Variants in RAB11FIP1 observed in about 807,000 individuals in gnomAD.
RAB11FIP1 encodes rab11 family-interacting protein 1.
Under a neutral mutation model 83.1 loss-of-function variants are expected in RAB11FIP1, and 49 were observed. The ratio of observed to expected loss-of-function variants is 0.59; its 90% CI spans 0.47 to 0.75. The LOEUF is 0.75. Among genes scored for constraint, RAB11FIP1 ranks in the 30% least tolerant of loss-of-function variants. RAB11FIP1 has a pLI of 0.00. For synonymous variants in RAB11FIP1, 670 were observed against 656.0 expected, an observed-to-expected ratio of 1.02 and a Z score of -0.33; for missense variants, 1,536 against 1,598.7, an observed-to-expected ratio of 0.96 and a Z score of 0.67.
chr8:37,878,952 T>G (rs1806679970), intron 1 of RAB11FIP1, among the ~76,000 whole-genome samples: 1 of 152,076 alleles, frequency 6.6e-6, no homozygotes, highest in Admixed American at 6.6e-5. Flanking sequence ...CACTCTAGTC[T>G]GGGTGACAAA....
chr8:37,863,126 G>T lies in RAB11FIP1; in HGVS notation c.3634-13C>A, dbSNP rs373976164. The T allele has an allele frequency of 1.3e-6, 2 of 1,596,866 alleles. No homozygotes were observed. The highest frequency in any genetic ancestry group is 8.6e-7 in the Non-Finnish European group (1 of 1,167,702). ...AGGGGCTGTATTTCTTTGGAGGGGG[G>T]GAAATAGTTGGGAAAAAGGAGTTAT... On this transcript the variant is annotated splice_polypyrimidine_tract_variant and intron_variant, in intron 5 of 5. Coordinates refer to ENST00000330843, the MANE Select transcript of RAB11FIP1 (RefSeq NM_001002814.3).
chr8:37,894,739 T>TATATATACATATATATATATAC (rs1416954611), intron 1 of RAB11FIP1, among the ~76,000 whole-genome samples: 4 of 147,232 alleles, frequency 2.7e-5, no homozygotes, highest in African/African-American at 7.5e-5. Context: ...TATATATATA[T>TATATATACATATATATATATAC]ACACACACAC....
At position 37,871,573 on chromosome 8, in the gene RAB11FIP1, G is replaced by A; in HGVS notation, c.3229C>T (p.Pro1077Ser). 1 of 1,598,888 alleles carries A rather than the reference G, an allele frequency of 6.3e-7. No homozygotes were observed. The highest frequency in any genetic ancestry group is 1.1e-5 in the South Asian group (1 of 89,480). The part of the protein sequence containing the change: ...PGPSGGEEEK[P>S]MGNGSPSPPP... ...GGGCTTGGACTCCCATTTCCCATCG[G>A]TTTTTCTTCCTCACCACCACTGGGG... Residue 1077 changes from proline (P) to serine (S), a missense_variant, in exon 4 of 6, where the codon CCG (proline) becomes TCG (serine). Physicochemically the swap from Pro to Ser is moderately conservative, Grantham distance 74. Coordinates refer to ENST00000330843, the MANE Select transcript of RAB11FIP1 (RefSeq NM_001002814.3).
intron 5 of RAB11FIP1, among the ~76,000 whole-genome samples, chr8:37,869,713 A>G (rs1806411664): frequency 6.6e-6 from 1 of 152,226 alleles, no homozygotes; most frequent in East Asian, 1.9e-4. Flanking sequence ...ATTTTTAAAA[A>G]AAATTATGCA....
chr8:37,889,018 C>G (rs369776036), intron 1 of RAB11FIP1, among the ~76,000 whole-genome samples: 3 of 151,506 alleles, frequency 2.0e-5, no homozygotes, highest in Non-Finnish European at 4.4e-5. Flanking sequence ...AAGATGGTCT[C>G]GATCTCCTGA....
chr8:37,896,308 T>G (rs1413335527), intron 1 of RAB11FIP1, among the ~76,000 whole-genome samples: 1 of 147,962 alleles, frequency 6.8e-6, no homozygotes, highest in Non-Finnish European at 1.5e-5. Context: ...AGACGCCATC[T>G]CAAAAAAAAA....
rs759894276 is a variant in RAB11FIP1 at position 37,870,466 on chromosome 8, G to C, written c.3587C>G (p.Thr1196Ser). The change falls in exon 5 of 6, where the codon ACT (threonine) becomes AGT (serine). Residue 1196 changes from threonine (T) to serine (S), a missense_variant. Transcript: ENST00000330843. ...ATKVANCSLG[T>S]ATIISENLNN... ...CAAGTTCTCACTGATGATGGTGGCA[G>C]TTCCCAAGCTGCAGTTAGCAACCTT... is the stretch of plus-strand genomic sequence containing the variant. The C allele has an allele frequency of 6.2e-7, 1 of 1,611,892 alleles. No individual in the cohort carries two copies. The highest frequency in any genetic ancestry group is 1.1e-5 in the South Asian group (1 of 90,972).
intron 5 of RAB11FIP1, among the ~76,000 whole-genome samples, chr8:37,864,282 A>G (rs1806300279): frequency 6.6e-6 from 1 of 152,232 alleles, no homozygotes; most frequent in Non-Finnish European, 1.5e-5. Flanking sequence ...AAGCAGCTTG[A>G]ACCAGGAGGA....
At chr8:37,896,722 T>C (rs1008009155) in intron 1 of RAB11FIP1, among the ~76,000 whole-genome samples, 9 of 152,186 alleles carry the variant, frequency 5.9e-5, no homozygotes, top group Admixed American at 1.3e-4. Flanking sequence ...CTTGGATACA[T>C]TGGCCCCATT....
chr8:37,872,174 A>G lies in RAB11FIP1; in HGVS notation c.2628T>C (p.Gly876=). 1 of 1,613,964 alleles carries G rather than the reference A, an allele frequency of 6.2e-7. No individual in the cohort carries two copies. The change falls in exon 4 of 6, where the codon GGT becomes GGC. Residue 876 remains glycine, a synonymous_variant. Coordinates refer to ENST00000330843, the MANE Select transcript of RAB11FIP1 (RefSeq NM_001002814.3). ...SVTTPGPATC[G]APASPADHLL... is the part of the protein sequence containing the mutation. ...GGTGATCCGCTGGGGAGGCTGGCGC[A>G]CCACACGTCGCTGGCCCAGGTGTGG...
At position 37,873,088 on chromosome 8, in the gene RAB11FIP1, C is replaced by T; in HGVS notation, c.1714G>A (p.Gly572Ser). ...SSLPPLPSSS[G>S]QASVPSELGH... ...AATTCAGAGGGGACAGATGCCTGGCCAGAGCTAGAAGGAAGAGGAGGAAGA... is the reference window on the plus strand; with the variant it reads ...AATTCAGAGGGGACAGATGCCTGGCTAGAGCTAGAAGGAAGAGGAGGAAGA... Residue 572 changes from glycine (G) to serine (S), a missense_variant, in exon 4 of 6, where the codon GGC (glycine) becomes AGC (serine). Transcript: ENST00000330843. The T allele has an allele frequency of 1.2e-6, 2 of 1,613,986 alleles. No homozygotes were observed. Among genetic ancestry groups the T allele is most frequent in the Non-Finnish European group, 1.7e-6 (2 of 1,180,026 alleles).
Position 37,877,135 on chromosome 8 carries a change from T to G in RAB11FIP1, c.788A>C (p.Glu263Ala). The change falls in exon 2 of 6, where the codon GAG (glutamate) becomes GCG (alanine). Residue 263 changes from glutamate to alanine, a missense_variant. Physicochemically the swap from Glu to Ala is moderately radical, Grantham distance 107. Coordinates refer to ENST00000330843, the MANE Select transcript of RAB11FIP1 (RefSeq NM_001002814.3). ...FQSQWDEDDN[E>A]DESSSASDVM... ...ATCCGAGGCCGAGGAGGACTCATCC[T>G]CATTGTCATCTTCATCCCACTGGGA... The G allele has an allele frequency of 1.2e-6, 2 of 1,613,918 alleles. No homozygotes were observed. The highest frequency in any genetic ancestry group is 1.7e-6 in the Non-Finnish European group (2 of 1,179,844).
intron 1 of RAB11FIP1, among the ~76,000 whole-genome samples, chr8:37,897,178 T>G (rs1807105877): frequency 6.6e-6 from 1 of 151,974 alleles, no homozygotes; most frequent in Non-Finnish European, 1.5e-5. Flanking sequence ...GCTAGTTTTA[T>G]CTGATGTGAG....
In RAB11FIP1 at chr8:37,871,733, C is replaced by G. The variant is rs369801596; in HGVS notation, c.3069G>C (p.Leu1023=). The change falls in exon 4 of 6, where the codon CTG becomes CTC. Residue 1023 remains leucine (L), a synonymous_variant. Transcript: ENST00000330843. ...GCCTGAAATCACACAGGCCCTCCCC[C>G]AGTACCAACCTATCTGCCTCGCCAC... ...GPSGEADRLV[L]GEGLCDFRLQ... The G allele has an allele frequency of 1.8e-5, 29 of 1,613,542 alleles. No homozygotes were observed. The African/African-American group carries it at 1.9e-4, about 10-fold the overall frequency.
chr8:37,893,076 CTTTT>C (rs1167070715), intron 1 of RAB11FIP1, among the ~76,000 whole-genome samples: 3 of 138,116 alleles, frequency 2.2e-5, no homozygotes, highest in Admixed American at 7.2e-5. Context: ...GTTCTTTTTT[CTTTT>C]TTTTTTTTTT....
chr8:37,864,953 T>C (rs1036240982), intron 5 of RAB11FIP1, among the ~76,000 whole-genome samples: 1 of 148,944 alleles, frequency 6.7e-6, no homozygotes, highest in Non-Finnish European at 1.5e-5. Flanking sequence ...TTTTTCCCCA[T>C]AGAGACGGGA....
Position 37,874,519 on chromosome 8 carries a change from G to A in RAB11FIP1, c.1618C>T (p.Pro540Ser). 6.2e-7 allele frequency: 1 copy of A among 1,613,634 alleles called. No individual in the cohort carries two copies. Among genetic ancestry groups the A allele is most frequent in the Middle Eastern group, 1.7e-4 (1 of 6,056 alleles). Residue 540 changes from proline to serine, a missense_variant, in exon 3 of 6, where the codon CCC becomes TCC. Physicochemically the swap from Pro to Ser is moderately conservative, Grantham distance 74. Transcript: ENST00000330843. The stretch of plus-strand genomic sequence containing the variant: ...ACGAGAAGAGCCAAAACTCACCGGG[G>A]CTTGACAGCTCTGGTCTGGGGAGCC... ...PRAPQTRAVK[P>S]RLEVSPEAQP...
rs1370523732 is a variant in RAB11FIP1, at chr8:37,871,273, C to G, written c.3524+5G>C. On this transcript the variant is annotated splice_donor_5th_base_variant and intron_variant, in intron 4 of 5. Transcript: ENST00000330843. The stretch of plus-strand genomic sequence containing the variant: ...TTTACATAGACAATCTCCCCCATCT[C>G]TCACCTGTGCTTGGCTGACCCAGTT... The G allele has an allele frequency of 6.3e-7, 1 of 1,598,542 alleles. No individual in the cohort carries two copies. The highest frequency in any genetic ancestry group is 8.5e-7 in the Non-Finnish European group (1 of 1,174,132).
At chr8:37,898,377 G>A (rs987976850) in intron 1 of RAB11FIP1, among the ~76,000 whole-genome samples, 6 of 151,326 alleles carry the variant, frequency 4.0e-5, no homozygotes, top group Non-Finnish European at 8.8e-5. Flanking sequence ...CGGGCGGGCC[G>A]GGCGCGGTGG....
Sources: gnomAD v4.1 joint callset for allele counts (sites outside exome capture counted in the v4.1 genomes callset) on GRCh38, gnomAD v4.1.1 for gene constraint, MANE v1.5 for transcripts, NCBI Gene and HGNC (gene_info 2026-07-23, HGNC 2026-07-21) for gene names.